The following QRFPR variants were observed in gnomAD, a reference collection of about 807,000 sequenced individuals.
The protein encoded by QRFPR is pyroglutamylated RF-amide peptide receptor.
Under a neutral mutation model 31.3 loss-of-function variants are expected in QRFPR, and 37 were observed. That is an observed-to-expected ratio of 1.18 (90% confidence interval 0.91 to 1.56). The LOEUF is 1.56. QRFPR is among the 40% of genes most tolerant of loss of function. QRFPR has a pLI of 0.00. For missense variants in QRFPR, 542 were observed against 532.5 expected, an observed-to-expected ratio of 1.02 and a Z score of -0.18; for synonymous variants, 197 against 192.0, an observed-to-expected ratio of 1.03 and a Z score of -0.22.
chr4:121,355,342 C>T (rs191824097), intron 1 of QRFPR, among the ~76,000 whole-genome samples: 15 of 152,152 alleles, frequency 9.9e-5, no homozygotes, highest in Non-Finnish European at 1.8e-4. Flanking sequence ...TCTAGGACTT[C>T]TAATGTATTG....
chr4:121,360,080 T>G (rs1725959845), intron 1 of QRFPR, among the ~76,000 whole-genome samples: 1 of 152,142 alleles, frequency 6.6e-6, no homozygotes, highest in Non-Finnish European at 1.5e-5. Flanking sequence ...AAATTAAAAT[T>G]TATTGTGTAC....
intron 1 of QRFPR, among the ~76,000 whole-genome samples, chr4:121,377,282 G>A (rs1315071615): frequency 1.3e-5 from 2 of 152,182 alleles, no homozygotes; most frequent in Non-Finnish European, 2.9e-5. Flanking sequence ...CCCTTTAGAG[G>A]AGACAGTCTT....
rs1450335463 is a variant in QRFPR at position 121,380,628 on chromosome 4, G to GTAA, written c.17_19dup (p.Ile6dup). 2 of 1,576,998 alleles carry GTAA rather than the reference G, an allele frequency of 1.3e-6. No homozygotes were observed. The highest frequency in any genetic ancestry group is 1.7e-6 in the Non-Finnish European group (2 of 1,158,126). Reference sequence around the variant, plus strand: ...CAGCAGCCGAGAGAACTGCTCCGGGGTAATGTTAAGCGCCTGCATTGCTGT... The same window carrying GTAA: ...CAGCAGCCGAGAGAACTGCTCCGGGGTAATAATGTTAAGCGCCTGCATTGCTGT... On this transcript the variant is annotated inframe_insertion, in exon 1 of 6. Coordinates refer to ENST00000394427, the MANE Select transcript of QRFPR (RefSeq NM_198179.3).
intron 1 of QRFPR, among the ~76,000 whole-genome samples, chr4:121,365,578 A>T (rs1225224579): frequency 0.066 from 67 of 1,010 alleles, 7 homozygotes; most frequent in African/African-American, 0.19. Flanking sequence ...TATATAATAT[A>T]TATTATATAT....
rs1001966142 is a variant in QRFPR, at chr4:121,358,150, T to C, written c.341-17540A>G. On this transcript the variant is annotated intron_variant, in intron 1 of 5. Transcript: ENST00000394427. ...AGCAAAAATCTGGGTTAAAGTTGAT[T>C]GTGAGATGACAAAAGAAAACCATGC... 2.4e-4 allele frequency among the ~76,000 whole-genome samples: 37 copies of C among 152,202 alleles called. 2 individuals carry two copies. Among genetic ancestry groups the C allele is most frequent in the Non-Finnish European group, 2.9e-5 (2 of 68,026 alleles).
At chr4:121,370,441 G>A (rs1726217014) in intron 1 of QRFPR, 1 of 582,836 alleles carries the variant, frequency 1.7e-6, no homozygotes, top group Admixed American at 2.3e-5. Context: ...TGTTAATGAG[G>A]AACATGGTCC....
At chr4:121,351,936 ATG>A (rs1461314621) in intron 1 of QRFPR, among the ~76,000 whole-genome samples, 3 of 152,106 alleles carry the variant, frequency 2.0e-5, no homozygotes, top group Non-Finnish European at 4.4e-5. Flanking sequence ...ATATTTAACA[ATG>A]CAACCAAAAA....
At chr4:121,333,096 A>G in intron 3 of QRFPR, 40 bp from the exon 4 acceptor site, 1 of 1,390,268 alleles carries the variant, frequency 7.2e-7, no homozygotes, top group East Asian at 2.3e-5. Flanking sequence ...ACCAGTAGTC[A>G]GCATCAAAAA....
chr4:121,329,579 A>T lies in QRFPR; in HGVS notation c.1031T>A (p.Leu344Ter), dbSNP rs2302310. The T allele has an allele frequency of 5.1e-5, 83 of 1,613,414 alleles. No homozygotes were observed. The South Asian group carries it at 9.1e-4, about 18-fold the overall frequency. The change falls in exon 6 of 6, where the codon TTG becomes TAG. Residue 344 changes from leucine (L) to a stop codon, truncating the protein, a stop_gained. Coordinates refer to ENST00000394427, the MANE Select transcript of QRFPR (RefSeq NM_198179.3). LOFTEE classifies it low-confidence loss of function (END_TRUNC). The stretch of plus-strand genomic sequence containing the variant: ...TACTATGCAATAACAAACTGCAGAC[A>T]AAACATTTTTTTTGAAGTTTTCATT... ...FMNENFKKNV[L>*]SAVCYCIVNK...
chr4:121,347,094 A>G (rs1316809685), intron 1 of QRFPR, among the ~76,000 whole-genome samples: 2 of 152,150 alleles, frequency 1.3e-5, no homozygotes, highest in Non-Finnish European at 2.9e-5. Flanking sequence ...TTTGTGTAAA[A>G]TTGGTGTTAA....
chr4:121,365,746 T>A (rs1434380338), intron 1 of QRFPR, among the ~76,000 whole-genome samples: 4 of 123,548 alleles, frequency 3.2e-5, no homozygotes, highest in African/African-American at 1.3e-4. Flanking sequence ...TATTGACACT[T>A]AGATTTTGAT....
intron 1 of QRFPR, among the ~76,000 whole-genome samples, chr4:121,341,287 T>C (rs2110470642): frequency 6.6e-6 from 1 of 152,338 alleles, no homozygotes; most frequent in Non-Finnish European, 1.5e-5. Flanking sequence ...TTGTGAGTCT[T>C]GGTCTGGCAC....
intron 1 of QRFPR, among the ~76,000 whole-genome samples, chr4:121,351,545 G>A (rs1277834418): frequency 6.6e-6 from 1 of 151,994 alleles, no homozygotes; most frequent in East Asian, 1.9e-4. Context: ...AATGAGCCTG[G>A]GTTAAACATT....
At chr4:121,368,239 G>A (rs1726164066) in intron 1 of QRFPR, among the ~76,000 whole-genome samples, 1 of 149,872 alleles carries the variant, frequency 6.7e-6, no homozygotes. Flanking sequence ...TCCAGGCCCT[G>A]ACCTGAACAA....
In QRFPR at chr4:121,329,141, G is replaced by A; in HGVS notation, c.*173C>T. 1.8e-6 allele frequency: 1 copy of A among 544,660 alleles called. No individual in the cohort carries two copies. The allele number at this position is 544,660 out of a possible 1,614,324, so 33.7% of individuals were successfully genotyped here. A position where few individuals can be genotyped will look rare whatever the true frequency, so the allele number is the denominator to read the frequency against. ...TCTGTTAAATGATTGTGATCAATTG[G>A]TTGTAAACATCACTGCACTTGGACT... is the stretch of plus-strand genomic sequence containing the variant. On this transcript the variant is annotated 3_prime_UTR_variant, in exon 6 of 6. Transcript: ENST00000394427.
At chr4:121,336,569 T>A (rs1725441074) in intron 3 of QRFPR, among the ~76,000 whole-genome samples, 2 of 152,236 alleles carry the variant, frequency 1.3e-5, no homozygotes, top group Admixed American at 6.5e-5. Context: ...CTGACCTGTG[T>A]ATTTTTGAAA....
chr4:121,380,715 C>G lies in QRFPR; in HGVS notation c.-68G>C. The G allele has an allele frequency of 6.4e-6, 9 of 1,410,402 alleles. No individual in the cohort carries two copies. The highest frequency in any genetic ancestry group is 8.5e-6 in the Non-Finnish European group (9 of 1,060,370). The allele number at this position is 1,410,402 out of a possible 1,614,324, so 87.4% of individuals were successfully genotyped here. A position where few individuals can be genotyped will look rare whatever the true frequency, so the allele number is the denominator to read the frequency against. Reference sequence around the variant, plus strand: ...CTGGCCATCCGCATCTGCGGGGCAGCGAGGGCTTCGGGGGACCAGCCGGAG... The same window carrying G: ...CTGGCCATCCGCATCTGCGGGGCAGGGAGGGCTTCGGGGGACCAGCCGGAG... On this transcript the variant is annotated 5_prime_UTR_variant, in exon 1 of 6. Coordinates refer to ENST00000394427, the MANE Select transcript of QRFPR (RefSeq NM_198179.3).
intron 1 of QRFPR, among the ~76,000 whole-genome samples, chr4:121,341,071 C>T (rs61062284): frequency 0.33 from 50,574 of 152,054 alleles, 8,924 homozygotes; most frequent in Middle Eastern, 0.47. Context: ...TGACTCCCTG[C>T]CTAAGACTTT....
chr4:121,340,164 G>A (rs901651564), intron 2 of QRFPR: 63 of 310,678 alleles, frequency 2.0e-4, no homozygotes, highest in African/African-American at 1.2e-3. Flanking sequence ...TGTTAATGTG[G>A]CAATGCCACT....
Sources: allele counts gnomAD v4.1 joint callset (sites outside exome capture counted in the v4.1 genomes callset), GRCh38; gene constraint gnomAD v4.1.1; transcripts MANE v1.5; gene names NCBI Gene and HGNC (gene_info 2026-07-23, HGNC 2026-07-21).